TRPC4: variants seen among roughly 807,000 people sequenced by gnomAD.
The protein encoded by TRPC4 is short transient receptor potential channel 4.
A neutral mutation model predicts 99.4 loss-of-function variants in TRPC4; 49 were observed. The ratio of observed to expected loss-of-function variants is 0.49; its 90% confidence interval spans 0.39 to 0.63. The LOEUF (loss-of-function observed/expected upper bound fraction) is 0.63, where lower values mean the gene tolerates loss of function less well. Ranked by LOEUF, TRPC4 falls within the 20% of genes least tolerant of loss-of-function variation. The pLI, the probability that TRPC4 is intolerant of heterozygous loss-of-function variation, is 0.00. For synonymous variants in TRPC4, 454 were observed against 425.9 expected, an observed-to-expected ratio of 1.07 and a Z score of -0.81; for missense variants, 898 against 1,152.9, an observed-to-expected ratio of 0.78 and a Z score of 3.20.
intron 3 of TRPC4, among the ~76,000 whole-genome samples, chr13:37,696,589 T>C (rs1002803999): frequency 2.0e-5 from 3 of 152,154 alleles, no homozygotes; most frequent in Non-Finnish European, 2.9e-5. Flanking sequence ...CTTGACTGCG[T>C]CAGAGAGTCA....
At chr13:37,695,295 C>T (rs763130778) in intron 3 of TRPC4, among the ~76,000 whole-genome samples, 23 of 152,040 alleles carry the variant, frequency 1.5e-4, no homozygotes, top group Non-Finnish European at 3.1e-4. Context: ...CTCAGCTTTA[C>T]TCCAACTCCC....
At chr13:37,828,143 C>G (rs953244369) in intron 1 of TRPC4, among the ~76,000 whole-genome samples, 1 of 152,142 alleles carries the variant, frequency 6.6e-6, no homozygotes, top group African/African-American at 2.4e-5. Flanking sequence ...GCGCATGGTG[C>G]GAGCACCCAC....
At chr13:37,836,541 G>A (rs560817481) in intron 1 of TRPC4, among the ~76,000 whole-genome samples, 3 of 152,292 alleles carry the variant, frequency 2.0e-5, no homozygotes, top group East Asian at 1.9e-4. Flanking sequence ...TTATGTTTTA[G>A]CAAAGAGACT....
At chr13:37,691,441 T>G (rs1953707543) in intron 4 of TRPC4, among the ~76,000 whole-genome samples, 1 of 152,226 alleles carries the variant, frequency 6.6e-6, no homozygotes, top group African/African-American at 2.4e-5. Context: ...TAAGGTTTTC[T>G]ACTTCACAGT....
intron 1 of TRPC4, among the ~76,000 whole-genome samples, chr13:37,816,912 C>T (rs1271884007): frequency 1.3e-5 from 2 of 151,776 alleles, no homozygotes; most frequent in Admixed American, 1.3e-4. Context: ...CCATAACCCA[C>T]ATATTACTAA....
chr13:37,858,011 A>G (rs997650215), intron 1 of TRPC4, among the ~76,000 whole-genome samples: 6 of 151,792 alleles, frequency 4.0e-5, no homozygotes, highest in African/African-American at 7.2e-5. Flanking sequence ...TCTTCAAACT[A>G]CCCATCTGAC....
chr13:37,670,712 C>G (rs1212234614), intron 5 of TRPC4, among the ~76,000 whole-genome samples: 1 of 152,156 alleles, frequency 6.6e-6, no homozygotes, highest in Non-Finnish European at 1.5e-5. Flanking sequence ...TAAATGGATC[C>G]TTATAATTTA....
intron 5 of TRPC4, among the ~76,000 whole-genome samples, chr13:37,665,834 C>T (rs1372489548): frequency 8.2e-6 from 1 of 122,626 alleles, no homozygotes; most frequent in East Asian, 2.2e-4. Context: ...ATTATCTCAG[C>T]TGAGACAAAA....
chr13:37,857,461 G>C (rs887077474), intron 1 of TRPC4, among the ~76,000 whole-genome samples: 3 of 151,286 alleles, frequency 2.0e-5, no homozygotes, highest in Non-Finnish European at 4.4e-5. Context: ...AATCGCCAAA[G>C]CTATCCTAAG....
At position 37,864,818 on chromosome 13, in the gene TRPC4, A is replaced by C. The variant is rs191627883; in HGVS notation, c.-28+4777T>G. On this transcript the variant is annotated intron_variant, in intron 1 of 10. Coordinates refer to ENST00000379705, the MANE Select transcript of TRPC4 (RefSeq NM_016179.4). Reference sequence around the variant, plus strand: ...GGCACAAACTAGGCACTAACTAGGCACTAACTAGGCTTTAGTGCCTGCAGA... The same window carrying C: ...GGCACAAACTAGGCACTAACTAGGCCCTAACTAGGCTTTAGTGCCTGCAGA... Among the ~76,000 whole-genome samples the C allele has an allele frequency of 4.7e-3, 715 of 151,870 alleles. 6 individuals carry two copies. Among genetic ancestry groups the C allele is most frequent in the African/African-American group, 0.017 (690 of 41,524 alleles).
chr13:37,753,569 GAGAGAA>G (rs755337860), intron 2 of TRPC4, among the ~76,000 whole-genome samples: 15 of 33,056 alleles, frequency 4.5e-4, no homozygotes, highest in Admixed American at 2.9e-3. Flanking sequence ...AAGAGAGAGA[GAGAGAA>G]AGAGAGAGAG....
intron 3 of TRPC4, among the ~76,000 whole-genome samples, chr13:37,713,488 G>T (rs1566115185): frequency 6.6e-6 from 1 of 152,106 alleles, no homozygotes; most frequent in Non-Finnish European, 1.5e-5. Context: ...CCCTGGGATT[G>T]TTGTAGACAG....
intron 1 of TRPC4, among the ~76,000 whole-genome samples, chr13:37,830,708 G>GT (rs1415978505): frequency 1.4e-5 from 2 of 146,558 alleles, no homozygotes; most frequent in East Asian, 2.0e-4. Flanking sequence ...GCGAAATTCC[G>GT]TTTTAAAAAA....
chr13:37,801,585 A>G (rs940550443), intron 1 of TRPC4, among the ~76,000 whole-genome samples: 1 of 152,130 alleles, frequency 6.6e-6, no homozygotes, highest in African/African-American at 2.4e-5. Context: ...AAAACAGAAT[A>G]ATTAGTAATT....
At chr13:37,844,403 T>A (rs1156250828) in intron 1 of TRPC4, among the ~76,000 whole-genome samples, 1 of 152,170 alleles carries the variant, frequency 6.6e-6, no homozygotes, top group South Asian at 2.1e-4. Flanking sequence ...CAAGCAATTA[T>A]CCTGCCTCAG....
At chr13:37,860,899 G>A (rs12584216) in intron 1 of TRPC4, among the ~76,000 whole-genome samples, 4 of 151,130 alleles carry the variant, frequency 2.6e-5, no homozygotes, top group African/African-American at 4.8e-5. Context: ...CGCTGTCTTC[G>A]GTTTACTTAT....
rs1951561626 is a variant in TRPC4, at chr13:37,637,263, C to T, written c.2574G>A (p.Glu858=). The T allele has an allele frequency of 6.2e-7, 1 of 1,613,858 alleles. No individual in the cohort carries two copies. The highest frequency in any genetic ancestry group is 1.7e-5 in the Admixed American group (1 of 59,940). Reference sequence around the variant, plus strand: ...CAGAGAAGATTTGGTTTGCATTTTGCTCAGCAGCATTTTGTTTTGATCGTC... The same window carrying T: ...CAGAGAAGATTTGGTTTGCATTTTGTTCAGCAGCATTTTGTTTTGATCGTC... ...FHRRSKQNAA[E]QNANQIFSVS... is the part of the protein sequence containing the mutation. Residue 858 remains glutamate (E), a synonymous_variant, in exon 11 of 11, where the codon GAG becomes GAA. Transcript: ENST00000379705.
chr13:37,678,759 T>A (rs1226043680), intron 4 of TRPC4, among the ~76,000 whole-genome samples: 1 of 152,122 alleles, frequency 6.6e-6, no homozygotes, highest in Non-Finnish European at 1.5e-5. Context: ...AGTATTACAC[T>A]GATAAACAAT....
intron 3 of TRPC4, among the ~76,000 whole-genome samples, chr13:37,701,885 C>T (rs1593543379): frequency 6.6e-6 from 1 of 152,168 alleles, no homozygotes; most frequent in East Asian, 1.9e-4. Context: ...AATTTATTTG[C>T]TCATTGTGTT....
Sources: allele counts gnomAD v4.1 joint callset (sites outside exome capture counted in the v4.1 genomes callset), GRCh38; gene constraint gnomAD v4.1.1; transcripts MANE v1.5; gene names NCBI Gene and HGNC (gene_info 2026-07-23, HGNC 2026-07-21).